Variants in ANKRD26 observed in about 807,000 individuals in gnomAD.
ANKRD26 encodes the protein ankyrin repeat domain-containing protein 26.
ANKRD26 carries 141 observed loss-of-function variants against 208.7 expected under a neutral mutation model. That is an observed-to-expected ratio of 0.68 (90% CI 0.59 to 0.78). ANKRD26 has a LOEUF of 0.78. Among genes scored for constraint, ANKRD26 ranks in the 30% least tolerant of loss-of-function variants. The probability of loss-of-function intolerance (pLI) is 0.00; values close to 1 mark genes in which losing one functional copy is unlikely to be tolerated. For synonymous variants in ANKRD26, 636 were observed against 660.4 expected (o/e 0.96, Z 0.57); for missense variants, 1,889 against 1,938.7 (o/e 0.97, Z 0.48).
chr10:27,090,632 G>A (rs1414068025), intron 4 of ANKRD26, among the ~76,000 whole-genome samples: 1 of 152,108 alleles, frequency 6.6e-6, no homozygotes, highest in Non-Finnish European at 1.5e-5. Context: ...TCTCACTGGG[G>A]TATTACATAC....
At chr10:27,094,848 A>G (rs189288392) in intron 1 of ANKRD26, among the ~76,000 whole-genome samples, 1 of 152,220 alleles carries the variant, frequency 6.6e-6, no homozygotes, top group East Asian at 1.9e-4. Flanking sequence ...AAAAATTTAA[A>G]AAGTAGCCAG....
intron 25 of ANKRD26, chr10:27,030,481 T>C (rs1219102407): frequency 2.0e-5 from 20 of 985,336 alleles, no homozygotes; most frequent in Non-Finnish European, 2.4e-6. Context: ...CTGTCTATGC[T>C]GAGCTGCTTT....
chr10:26,972,912 T>C (rs1438058877), downstream of ANKRD26, among the ~76,000 whole-genome samples: 1 of 152,044 alleles, frequency 6.6e-6, no homozygotes, highest in Admixed American at 6.6e-5. Context: ...TTTTTCAAGC[T>C]ATCTTAATGC....
intron 30 of ANKRD26, among the ~76,000 whole-genome samples, chr10:27,016,853 CAG>C (rs2053311068): frequency 1.4e-5 from 2 of 142,658 alleles, no homozygotes; most frequent in Admixed American, 7.2e-5. Context: ...GTTAGTGATT[CAG>C]AGAGTAATTT....
At chr10:26,997,491 A>T (rs1159240499) in intron 4 of ANKRD26, among the ~76,000 whole-genome samples, 2 of 152,154 alleles carry the variant, frequency 1.3e-5, no homozygotes, top group African/African-American at 2.4e-5. Flanking sequence ...TTTCAGCCTA[A>T]AGCAGTCCCG....
chr10:26,974,807 C>T (rs2052200934), exon 6 of ANKRD26, among the ~76,000 whole-genome samples: 1 of 152,220 alleles, frequency 6.6e-6, no homozygotes, highest in Non-Finnish European at 1.5e-5. Flanking sequence ...ATTCTTCGCT[C>T]TCAGCGTTCT....
At chr10:27,013,801 G>T (rs1471251705) in intron 31 of ANKRD26, among the ~76,000 whole-genome samples, 1 of 152,138 alleles carries the variant, frequency 6.6e-6, no homozygotes, top group Non-Finnish European at 1.5e-5. Context: ...TGATCAAAAA[G>T]AACTAAAGAG....
At chr10:26,963,315 C>T in the ANKRD26 span, among the ~76,000 whole-genome samples, 50,281 of 152,048 alleles carry the variant, frequency 0.33, 10,587 homozygotes, top group Non-Finnish European at 0.47. Context: ...TGCAAACTGA[C>T]CTAGGCAACA....
chr10:26,979,487 C>T (rs186633144), intron 5 of ANKRD26, among the ~76,000 whole-genome samples: 5 of 152,156 alleles, frequency 3.3e-5, no homozygotes, highest in East Asian at 1.9e-4. Context: ...CCTGACAAAA[C>T]GGTAAGGTAT....
At chr10:27,021,295 A>G (rs1331938990) in intron 29 of ANKRD26, among the ~76,000 whole-genome samples, 3 of 152,212 alleles carry the variant, frequency 2.0e-5, no homozygotes, top group Admixed American at 1.3e-4. Flanking sequence ...TTTCTCCTGG[A>G]TAAATACCTG....
In ANKRD26 at chr10:27,089,209, T is replaced by A. The variant is rs141059928; in HGVS notation, c.639-2600A>T. Among the ~76,000 whole-genome samples the A allele has an allele frequency of 3.8e-3, 574 of 152,254 alleles. 2 individuals are homozygous for A. Among genetic ancestry groups the A allele is most frequent in the African/African-American group, 0.012 (498 of 41,540 alleles). ...AAATCACTGGTAACAAAAGAATGAT[T>A]AGAATGTCCTTTGTCCCCTCCTGAT... On this transcript the variant is annotated intron_variant, in intron 4 of 33. Transcript: ENST00000376087.
rs150497499 is a variant in ANKRD26, at chr10:26,993,464, T to C, written c.*30-1459A>G. Among the ~76,000 whole-genome samples the C allele has an allele frequency of 3.0e-3, 451 of 152,330 alleles. 2 individuals carry two copies. The highest frequency in any genetic ancestry group is 0.01 in the African/African-American group (427 of 41,580). Reference sequence around the variant, plus strand: ...TTCTTTGCAGAATAAAGGAGCATTCTGGCTGAGTTGGCCTAATAAAGGGGT... The same window carrying C: ...TTCTTTGCAGAATAAAGGAGCATTCCGGCTGAGTTGGCCTAATAAAGGGGT... On this transcript the variant is annotated intron_variant, in intron 5 of 5. Coordinates refer to the ANKRD26 transcript ENST00000445828.
intron 29 of ANKRD26, among the ~76,000 whole-genome samples, chr10:27,017,996 C>T (rs759091610): frequency 3.9e-5 from 6 of 152,064 alleles, no homozygotes; most frequent in Non-Finnish European, 8.8e-5. Flanking sequence ...AAAATATATT[C>T]CTTATTTTTA....
downstream of ANKRD26, among the ~76,000 whole-genome samples, chr10:26,973,302 T>C (rs2052176455): frequency 6.6e-6 from 1 of 152,180 alleles, no homozygotes; most frequent in Non-Finnish European, 1.5e-5. Flanking sequence ...TATATAAGTT[T>C]AGATTGTTAC....
chr10:27,084,554 T>C (rs568426128), intron 5 of ANKRD26, among the ~76,000 whole-genome samples: 1 of 152,262 alleles, frequency 6.6e-6, no homozygotes, highest in Non-Finnish European at 1.5e-5. Context: ...CCAGGTAGCA[T>C]AGTAGCATTT....
At chr10:27,064,462 G>A (rs1046760878) in intron 11 of ANKRD26, among the ~76,000 whole-genome samples, 9 of 152,028 alleles carry the variant, frequency 5.9e-5, no homozygotes, top group East Asian at 1.9e-4. Flanking sequence ...ATTCCGGTTC[G>A]GGGGATGCCT....
In ANKRD26 at chr10:27,045,783, T is replaced by A. The variant is rs113506186; in HGVS notation, c.1985+570A>T. On this transcript the variant is annotated intron_variant, in intron 18 of 33. Transcript: ENST00000376087. ...ATAATTTTTTAAAATCCATATATGA[T>A]AGTTTAACTTTAAGATCATCATTGA... 8.9e-4 allele frequency among the ~76,000 whole-genome samples: 136 copies of A among 152,226 alleles called. 1 individual carries two copies. The highest frequency in any genetic ancestry group is 3.2e-3 in the African/African-American group (132 of 41,474).
intron 30 of ANKRD26, 106 bp from the exon 31 acceptor site, chr10:27,014,817 A>G: frequency 1.2e-6 from 1 of 854,388 alleles, no homozygotes; most frequent in Non-Finnish European, 1.9e-6. Context: ...CAAACTCCAA[A>G]AAGAGAAAGA....
chr10:26,948,768 A>C, the ANKRD26 span, among the ~76,000 whole-genome samples: 8 of 152,150 alleles, frequency 5.3e-5, no homozygotes, highest in Non-Finnish European at 1.2e-4. Flanking sequence ...TGGGTGGATC[A>C]CCTAAGGTCA....
Sources: allele counts gnomAD v4.1 joint callset (sites outside exome capture counted in the v4.1 genomes callset), GRCh38; gene constraint gnomAD v4.1.1; transcripts MANE v1.5; gene names NCBI Gene and HGNC (gene_info 2026-07-23, HGNC 2026-07-21).